Variants in WTIP observed in about 807,000 individuals in gnomAD.
WTIP encodes the protein Wilms tumor protein 1-interacting protein.
In WTIP, 23 loss-of-function variants were observed where a neutral mutation model predicts 41.7. The observed-to-expected ratio is 0.55, with a 90% CI of 0.40 to 0.78. The LOEUF (loss-of-function observed/expected upper bound fraction) is 0.78, where lower values mean the gene tolerates loss of function less well. Among genes scored for constraint, WTIP ranks in the 30% least tolerant of loss-of-function variants. WTIP has a pLI of 0.00. For synonymous variants in WTIP, 314 were observed against 269.9 expected (o/e 1.16, Z -1.60); for missense variants, 619 against 610.5 (o/e 1.01, Z -0.15).
Position 34,482,309 on chromosome 19 carries a change from TG to T in WTIP, c.338del (p.Gly113AlafsTer188). ...AGCGCCCGATCCAGCGGCATCAGCC[TG>T]GGCTACGACCAGCGCCACGGCAGCC... ...GGSARSSGIS[L>X]GYDQRHGSPR... On this transcript the variant is annotated frameshift_variant, in exon 1 of 8. Transcript: ENST00000590071. LOFTEE classifies it high-confidence loss of function. 2 of 1,376,562 alleles carry T rather than the reference TG, an allele frequency of 1.5e-6. No individual in the cohort carries two copies. The allele number at this position is 1,376,562 out of a possible 1,614,324, so 85.3% of individuals were successfully genotyped here. A position where few individuals can be genotyped will look rare whatever the true frequency, so the allele number is the denominator to read the frequency against.
At position 34,506,864 on chromosome 19, in the gene WTIP, C is replaced by G. The variant is rs1245648213; in HGVS notation, c.*6595C>G. On this transcript the variant is annotated 3_prime_UTR_variant, in exon 8 of 8. Coordinates refer to ENST00000590071, the MANE Select transcript of WTIP (RefSeq NM_001080436.2). Reference sequence around the variant, plus strand: ...TAGGTGCTCTTTCCCGTGAAAACTACTTTTTTGGTTTGGTTTGAAGGTAAG... The same window carrying G: ...TAGGTGCTCTTTCCCGTGAAAACTAGTTTTTTGGTTTGGTTTGAAGGTAAG... The G allele has an allele frequency of 1.3e-5, 2 of 152,064 alleles. No homozygotes were observed. The highest frequency in any genetic ancestry group is 1.5e-5 in the Non-Finnish European group (1 of 68,024). 9.4% of individuals were successfully genotyped at this position (152,064 alleles called of 1,614,324 possible).
At position 34,500,542 on chromosome 19, in the gene WTIP, G is replaced by A; in HGVS notation, c.*273G>A. On this transcript the variant is annotated 3_prime_UTR_variant, in exon 8 of 8. Transcript: ENST00000590071. Reference sequence around the variant, plus strand: ...CCCTGCAGCCTCAGGGTAGGCCGTGGGTCACCAGGCTGGAGAGGGCCCCTG... The same window carrying A: ...CCCTGCAGCCTCAGGGTAGGCCGTGAGTCACCAGGCTGGAGAGGGCCCCTG... 1 of 411,312 alleles carries A rather than the reference G, an allele frequency of 2.4e-6. No homozygotes were observed. The highest frequency in any genetic ancestry group is 6.5e-5 in the South Asian group (1 of 15,486). The allele number at this position is 411,312 out of a possible 1,614,324, so 25.5% of individuals were successfully genotyped here.
intron 1 of WTIP, among the ~76,000 whole-genome samples, chr19:34,484,506 G>A (rs1374491240): frequency 6.6e-6 from 1 of 152,146 alleles, no homozygotes; most frequent in Non-Finnish European, 1.5e-5. Flanking sequence ...CTGGGAGCAG[G>A]GAGATGTGCC....
At chr19:34,495,799 A>C in intron 7 of WTIP, 28 bp downstream of exon 7, 1 of 1,610,492 alleles carries the variant, frequency 6.2e-7, no homozygotes, top group East Asian at 2.2e-5. Flanking sequence ...GGAGGCTGGC[A>C]GCTGGGGCAG....
chr19:34,498,211 C>G (rs2075865681), intron 7 of WTIP, among the ~76,000 whole-genome samples: 2 of 152,270 alleles, frequency 1.3e-5, no homozygotes, highest in South Asian at 2.1e-4. Flanking sequence ...CATTCCAGCC[C>G]CGAGCCCGCA....
intron 7 of WTIP, among the ~76,000 whole-genome samples, chr19:34,497,935 G>A (rs2075863537): frequency 6.6e-6 from 1 of 152,234 alleles, no homozygotes; most frequent in African/African-American, 2.4e-5. Flanking sequence ...GACGCTGAGA[G>A]TGAGAGCGGG....
intron 1 of WTIP, among the ~76,000 whole-genome samples, chr19:34,487,318 T>C (rs1008328553): frequency 6.0e-5 from 9 of 150,262 alleles, no homozygotes; most frequent in African/African-American, 2.0e-4. Flanking sequence ...GCCAGGCTGG[T>C]CTCAAACTCC....
chr19:34,493,062 C>T lies in WTIP; in HGVS notation c.795C>T (p.Phe265=). 1.2e-6 allele frequency: 2 copies of T among 1,613,936 alleles called. No individual in the cohort carries two copies. The highest frequency in any genetic ancestry group is 1.7e-6 in the Non-Finnish European group (2 of 1,179,860). ...SCGRRLRGKA[F]YNVGEKVYCQ... is the part of the protein sequence containing the mutation. ...GGAGACGACTCCGTGGGAAGGCGTT[C>T]TACAACGTGGGTGAGAAAGTGTACT... Residue 265 remains phenylalanine (F), a synonymous_variant, in exon 3 of 8, where the codon TTC becomes TTT. Transcript: ENST00000590071. The surrounding 1 kb of genome is among the most constrained non-coding windows in gnomAD (Gnocchi z 4.1).
In WTIP at chr19:34,500,656, C is replaced by G. The variant is rs1236275478; in HGVS notation, c.*387C>G. 5 of 183,014 alleles carry G rather than the reference C, an allele frequency of 2.7e-5. No homozygotes were observed. Among genetic ancestry groups the G allele is most frequent in the East Asian group, 1.4e-4 (1 of 7,052 alleles). The allele number at this position is 183,014 out of a possible 1,614,324, so 11.3% of individuals were successfully genotyped here. ...AGGGGCCTGGCCCCCGCCCTCCCCC[C>G]CGACCCCGACCTCGCAAAGCGCACT... On this transcript the variant is annotated 3_prime_UTR_variant, in exon 8 of 8. Transcript: ENST00000590071.
At position 34,502,150 on chromosome 19, in the gene WTIP, C is replaced by T. The variant is rs1434802916; in HGVS notation, c.*1881C>T. 6.6e-6 allele frequency: 1 copy of T among 152,304 alleles called. No individual in the cohort carries two copies. Among genetic ancestry groups the T allele is most frequent in the East Asian group, 1.9e-4 (1 of 5,178 alleles). 9.4% of individuals were successfully genotyped at this position (152,304 alleles called of 1,614,324 possible). A position where few individuals can be genotyped will look rare whatever the true frequency, so the allele number is the denominator to read the frequency against. On this transcript the variant is annotated 3_prime_UTR_variant, in exon 8 of 8. Coordinates refer to ENST00000590071, the MANE Select transcript of WTIP (RefSeq NM_001080436.2). ...TGTATTTTTAGTAGAGATGGGGTTT[C>T]ACCATGTTGGTCAGGCTGGTCTCCA...
In WTIP at chr19:34,482,367, TCCCGGG is replaced by T; in HGVS notation, c.396_401del (p.Gly133_Pro134del). On this transcript the variant is annotated inframe_deletion, in exon 1 of 8. Coordinates refer to ENST00000590071, the MANE Select transcript of WTIP (RefSeq NM_001080436.2). ...CCGGTCGCTCGGACCCGCGTCCCGGTCCCGGGCCGCCTTCGGTGGGCAGCGCCCGCT... is the reference window on the plus strand; with the variant it reads ...CCGGTCGCTCGGACCCGCGTCCCGGTCCGCCTTCGGTGGGCAGCGCCCGCT... 1 of 1,363,716 alleles carries T rather than the reference TCCCGGG, an allele frequency of 7.3e-7. No individual in the cohort carries two copies. The allele number at this position is 1,363,716 out of a possible 1,614,324, so 84.5% of individuals were successfully genotyped here.
In WTIP at chr19:34,504,022, T is replaced by A. The variant is rs908266400; in HGVS notation, c.*3753T>A. 5.3e-5 allele frequency: 8 copies of A among 151,884 alleles called. No individual in the cohort carries two copies. Among genetic ancestry groups the A allele is most frequent in the Admixed American group, 1.3e-4 (2 of 15,198 alleles). 9.4% of individuals were successfully genotyped at this position (151,884 alleles called of 1,614,324 possible). On this transcript the variant is annotated 3_prime_UTR_variant, in exon 8 of 8. Transcript: ENST00000590071. ...GTGTGTGTGTGCATGTGTGTGTGTG[T>A]GAGAGAGAGACAGGGATGGGGGGAG...
At chr19:34,496,665 T>TGTGGGGG (rs2075855479) in intron 7 of WTIP, among the ~76,000 whole-genome samples, 1 of 109,982 alleles carries the variant, frequency 9.1e-6, no homozygotes, top group Admixed American at 1.0e-4. Flanking sequence ...AGTGTCTGGA[T>TGTGGGGG]GTGGGGGGTT....
chr19:34,494,735 G>A (rs1356380336), intron 6 of WTIP, 98 bp downstream of exon 6: 12 of 1,243,780 alleles, frequency 9.6e-6, no homozygotes, highest in African/African-American at 1.5e-5. Flanking sequence ...GACAGTGGGA[G>A]GGATGAGCAG....
Position 34,497,755 on chromosome 19 carries a change from G to A in WTIP, c.1152+1984G>A, listed in dbSNP as rs372199753. On this transcript the variant is annotated intron_variant, in intron 7 of 7. Coordinates refer to ENST00000590071, the MANE Select transcript of WTIP (RefSeq NM_001080436.2). ...AGGCGAGTGGCCCCATGGGAGCACC[G>A]ATTGTGTCAGGGTACCCAGGAGGGA... Among the ~76,000 whole-genome samples the A allele has an allele frequency of 9.8e-4, 149 of 152,292 alleles. 1 individual carries two copies. The highest frequency in any genetic ancestry group is 2.8e-3 in the Admixed American group (43 of 15,296).
chr19:34,482,318 A>T lies in WTIP; in HGVS notation c.344A>T (p.Asp115Val). Reference sequence around the variant, plus strand: ...TCCAGCGGCATCAGCCTGGGCTACGACCAGCGCCACGGCAGCCCGCGCTCC... The same window carrying T: ...TCCAGCGGCATCAGCCTGGGCTACGTCCAGCGCCACGGCAGCCCGCGCTCC... ...ARSSGISLGY[D>V]QRHGSPRSGR... is the part of the protein sequence containing the mutation. Residue 115 changes from aspartate to valine, a missense_variant, in exon 1 of 8, where the codon GAC becomes GTC. Asp to Val is a radical substitution (Grantham distance 152). Around this residue, in one of 3 missense-constraint regions of WTIP, gnomAD observed 363 missense variants for 309.0 expected, o/e 1.17. Coordinates refer to ENST00000590071, the MANE Select transcript of WTIP (RefSeq NM_001080436.2). 7.2e-7 allele frequency: 1 copy of T among 1,382,656 alleles called. No individual in the cohort carries two copies. The highest frequency in any genetic ancestry group is 9.4e-7 in the Non-Finnish European group (1 of 1,061,872). 85.6% of individuals were successfully genotyped at this position (1,382,656 alleles called of 1,614,324 possible).
intron 1 of WTIP, among the ~76,000 whole-genome samples, chr19:34,489,197 TAAAAAAAA>T (rs57433723): frequency 2.4e-4 from 15 of 61,966 alleles, no homozygotes; most frequent in Non-Finnish European, 3.1e-4. Flanking sequence ...AGACTCTATC[TAAAAAAAA>T]AAAAAAAAAA....
chr19:34,507,223 CAAAAAA>C lies in WTIP; in HGVS notation c.*6972_*6977del, dbSNP rs60735033. On this transcript the variant is annotated 3_prime_UTR_variant, in exon 8 of 8. Coordinates refer to ENST00000590071, the MANE Select transcript of WTIP (RefSeq NM_001080436.2). The stretch of plus-strand genomic sequence containing the variant: ...TGGGCAACAAGAGTGAACTCCGTCT[CAAAAAA>C]AAAAAAAAAAAAAAAAATTGTATTC... The C allele has an allele frequency of 0.058, 5,890 of 101,280 alleles. 294 individuals are homozygous for C. Among genetic ancestry groups the C allele is most frequent in the African/African-American group, 0.16 (4,784 of 29,750 alleles). 6.3% of individuals were successfully genotyped at this position (101,280 alleles called of 1,614,324 possible).
intron 1 of WTIP, among the ~76,000 whole-genome samples, chr19:34,486,167 C>T (rs1301237612): frequency 6.6e-6 from 1 of 152,138 alleles, no homozygotes; most frequent in Non-Finnish European, 1.5e-5. Context: ...CTCCAGTCTG[C>T]TTCTCAGCAG....
Sources: gnomAD v4.1 joint callset for allele counts (sites outside exome capture counted in the v4.1 genomes callset) on GRCh38, gnomAD v4.1.1 for gene constraint, gnomAD v4.1.1 regional missense constraint, Gnocchi (gnomAD v3.1) non-coding constraint, MANE v1.5 for transcripts, NCBI Gene and HGNC (gene_info 2026-07-23, HGNC 2026-07-21) for gene names.